XKR4: variants seen among roughly 807,000 people sequenced by gnomAD.
XKR4 encodes the protein XK related 4, also known as XK-related protein 4.
A neutral mutation model predicts 53.9 loss-of-function variants in XKR4; 12 were observed. The observed-to-expected ratio is 0.22, with a 90% CI of 0.14 to 0.36. XKR4 has a LOEUF of 0.36. XKR4 is among the 10% of genes least tolerant of loss of function. The pLI is 1.00. For synonymous variants in XKR4, 354 were observed against 362.4 expected (o/e 0.98, Z 0.26); for missense variants, 799 against 859.5 (o/e 0.93, Z 0.88).
intron 2 of XKR4, among the ~76,000 whole-genome samples, chr8:55,424,402 G>A (rs778030644): frequency 3.9e-5 from 6 of 152,134 alleles, no homozygotes; most frequent in African/African-American, 1.4e-4. Flanking sequence ...GTCTATTCAC[G>A]CAATGATTCT....
chr8:55,450,289 T>G, intron 2 of XKR4: 1 of 700,768 alleles, frequency 1.4e-6, no homozygotes. Context: ...TTCCCAGTCA[T>G]AGGGAGGGCC....
chr8:55,411,855 C>G (rs1653958624), intron 2 of XKR4, among the ~76,000 whole-genome samples: 1 of 152,148 alleles, frequency 6.6e-6, no homozygotes, highest in South Asian at 2.1e-4. Context: ...CTGCAGCCAC[C>G]CATGAAGGAC....
chr8:55,349,801 A>AC (rs1396494726), intron 1 of XKR4, among the ~76,000 whole-genome samples: 1 of 152,230 alleles, frequency 6.6e-6, no homozygotes, highest in East Asian at 1.9e-4. Context: ...ACTTATCACT[A>AC]CCAATTAGTA....
intron 2 of XKR4, among the ~76,000 whole-genome samples, chr8:55,367,189 T>G (rs966081271): frequency 3.9e-5 from 6 of 152,116 alleles, no homozygotes; most frequent in African/African-American, 1.4e-4. Flanking sequence ...AAAAATTAGT[T>G]TTGCAAGTTT....
intron 2 of XKR4, among the ~76,000 whole-genome samples, chr8:55,384,641 G>A (rs1804283763): frequency 6.6e-6 from 1 of 152,206 alleles, no homozygotes; most frequent in African/African-American, 2.4e-5. Flanking sequence ...CTGACTGGGG[G>A]AGAAGGTCCC....
rs1280605529 is a variant in XKR4 at position 55,144,538 on chromosome 8, A to G, written c.806+41244A>G. Among the ~76,000 whole-genome samples the G allele has an allele frequency of 2.6e-5, 4 of 152,094 alleles. 1 individual carries two copies. The highest frequency in any genetic ancestry group is 6.5e-5 in the Admixed American group (1 of 15,274). On this transcript the variant is annotated intron_variant, in intron 1 of 2. Transcript: ENST00000327381. ...TGGCCTAGTGCTGTTAGATCTTCCAATTTTTCAAAAGAAATTGGAAAGCCA... is the reference window on the plus strand; with the variant it reads ...TGGCCTAGTGCTGTTAGATCTTCCAGTTTTTCAAAAGAAATTGGAAAGCCA...
chr8:55,342,103 C>T (rs558970224), intron 1 of XKR4, among the ~76,000 whole-genome samples: 21 of 152,158 alleles, frequency 1.4e-4, no homozygotes, highest in African/African-American at 4.6e-4. Context: ...CTGTGGATCT[C>T]GCATCTAAGT....
intron 2 of XKR4, chr8:55,450,695 C>T: frequency 1.7e-6 from 1 of 583,880 alleles, no homozygotes; most frequent in Non-Finnish European, 3.3e-6. Flanking sequence ...ATGTGGGCTC[C>T]CCCGTGGCTG....
intron 2 of XKR4, among the ~76,000 whole-genome samples, chr8:55,414,110 C>T (rs753364292): frequency 3.3e-5 from 5 of 152,048 alleles, no homozygotes; most frequent in Admixed American, 6.5e-5. Flanking sequence ...GTGTCTTCTA[C>T]AGTAAGAAAG....
chr8:55,388,506 T>C (rs979465564), intron 2 of XKR4, among the ~76,000 whole-genome samples: 4 of 152,166 alleles, frequency 2.6e-5, no homozygotes, highest in Non-Finnish European at 4.4e-5. Flanking sequence ...GCAGTTTCAG[T>C]GTATGGTGAG....
intron 2 of XKR4, among the ~76,000 whole-genome samples, chr8:55,508,841 G>A (rs1385522486): frequency 2.0e-5 from 3 of 152,204 alleles, no homozygotes; most frequent in East Asian, 1.9e-4. Flanking sequence ...CAGGGTCACC[G>A]AACTCAGGCT....
intron 2 of XKR4, among the ~76,000 whole-genome samples, chr8:55,387,090 A>G (rs1804330147): frequency 6.6e-6 from 1 of 152,208 alleles, no homozygotes; most frequent in African/African-American, 2.4e-5. Context: ...CCGCTTCTGT[A>G]GTATCACACC....
intron 1 of XKR4, among the ~76,000 whole-genome samples, chr8:55,336,699 G>T (rs544709996): frequency 6.6e-6 from 1 of 152,196 alleles, no homozygotes; most frequent in Admixed American, 6.5e-5. Context: ...TTTAATGGTT[G>T]CCTGGGGGAG....
intron 2 of XKR4, among the ~76,000 whole-genome samples, chr8:55,401,635 C>T (rs1585556843): frequency 6.6e-6 from 1 of 152,290 alleles, no homozygotes; most frequent in South Asian, 2.1e-4. Context: ...TTGCCAACAC[C>T]CTCAGAGCTA....
intron 1 of XKR4, among the ~76,000 whole-genome samples, chr8:55,233,776 G>A (rs571456037): frequency 6.6e-6 from 1 of 152,320 alleles, no homozygotes; most frequent in Non-Finnish European, 1.5e-5. Context: ...TAAACCCATT[G>A]AAACACCCTC....
intron 2 of XKR4, chr8:55,449,432 C>G: frequency 1.4e-6 from 1 of 720,716 alleles, no homozygotes; most frequent in Non-Finnish European, 2.4e-6. Context: ...GGGCTGTAAA[C>G]ATGGCCAGGG....
rs1039217580 is a variant in XKR4 at position 55,449,964 on chromosome 8, C to T, written c.1007-73317C>T. ...CCAGGCTGAGGCTCAAGGTGGAGCCCACGGGTTCCTCCTGCAGGTACATAC... is the reference window on the plus strand; with the variant it reads ...CCAGGCTGAGGCTCAAGGTGGAGCCTACGGGTTCCTCCTGCAGGTACATAC... On this transcript the variant is annotated intron_variant, in intron 2 of 2. Transcript: ENST00000327381. 3.6e-6 allele frequency: 3 copies of T among 837,606 alleles called. No homozygotes were observed. In the Admixed American group the frequency reaches 5.3e-5, roughly 15 times the overall value. The allele number at this position is 837,606 out of a possible 1,614,324, so 51.9% of individuals were successfully genotyped here.
At chr8:55,323,320 T>A (rs1803243050) in intron 1 of XKR4, among the ~76,000 whole-genome samples, 1 of 152,212 alleles carries the variant, frequency 6.6e-6, no homozygotes, top group Non-Finnish European at 1.5e-5. Context: ...ATCTCCCAAA[T>A]ATTCAGTAGT....
chr8:55,145,917 G>T (rs1184660071), intron 1 of XKR4, among the ~76,000 whole-genome samples: 1 of 152,208 alleles, frequency 6.6e-6, no homozygotes, highest in Non-Finnish European at 1.5e-5. Flanking sequence ...TATCTGTGAA[G>T]TAAAGACATA....
Sources: allele counts gnomAD v4.1 joint callset (sites outside exome capture counted in the v4.1 genomes callset), GRCh38; gene constraint gnomAD v4.1.1; transcripts MANE v1.5; gene names NCBI Gene and HGNC (gene_info 2026-07-23, HGNC 2026-07-21).